LIN54: variants seen among roughly 807,000 people sequenced by gnomAD.
LIN54 encodes lin-54 DREAM MuvB core complex component.
Under a neutral mutation model 78.7 loss-of-function variants are expected in LIN54, and 9 were observed. The observed-to-expected ratio is 0.11, with a 90% CI of 0.07 to 0.20. The LOEUF (loss-of-function observed/expected upper bound fraction) is 0.20. Ranked by LOEUF, LIN54 falls within the 10% of genes least tolerant of loss-of-function variation. The pLI is 1.00. For synonymous variants in LIN54, 269 were observed against 318.4 expected (o/e 0.84, Z 1.65); for missense variants, 573 against 889.9 (o/e 0.64, Z 4.53).
chr4:82,963,105 G>GA (rs997582722), intron 4 of LIN54, among the ~76,000 whole-genome samples: 4 of 149,214 alleles, frequency 2.7e-5, no homozygotes, highest in Non-Finnish European at 4.5e-5. Flanking sequence ...TTGAAAACAG[G>GA]AAAAAAAAAG....
chr4:83,007,855 AACCT>A (rs2126117113), intron 1 of LIN54, among the ~76,000 whole-genome samples: 1 of 152,224 alleles, frequency 6.6e-6, no homozygotes. Context: ...ACTGCACCCT[AACCT>A]GGGTGACAGA....
At chr4:83,001,864 T>A (rs13109329) in intron 1 of LIN54, among the ~76,000 whole-genome samples, 13,290 of 14,158 alleles carry the variant, frequency 0.94, 6,264 homozygotes, top group Non-Finnish European at 0.97. Context: ...AAAAAAAGGA[T>A]AGGAAGGAAG....
rs1729777764 is a variant in LIN54 at position 83,010,474 on chromosome 4, C to T, written c.-33+10G>A. 7 of 1,045,630 alleles carry T rather than the reference C, an allele frequency of 6.7e-6. No individual in the cohort carries two copies. The highest frequency in any genetic ancestry group is 8.1e-6 in the Non-Finnish European group (7 of 869,086). 64.8% of individuals were successfully genotyped at this position (1,045,630 alleles called of 1,614,324 possible). A position where few individuals can be genotyped will look rare whatever the true frequency, so the allele number is the denominator to read the frequency against. On this transcript the variant is annotated intron_variant, in intron 1 of 12. Transcript: ENST00000340417. ...ACAGAGAAGCCCTCGGGTACCCCATCCTCCTCTACCTCCAGCGGCTGCCGC... is the reference window on the plus strand; with the variant it reads ...ACAGAGAAGCCCTCGGGTACCCCATTCTCCTCTACCTCCAGCGGCTGCCGC...
chr4:82,982,940 A>G (rs552114392), intron 2 of LIN54, among the ~76,000 whole-genome samples: 1 of 152,160 alleles, frequency 6.6e-6, no homozygotes, highest in African/African-American at 2.4e-5. Context: ...TATGCATTCA[A>G]AGACAACTCT....
upstream of LIN54, among the ~76,000 whole-genome samples, chr4:83,012,356 G>A (rs1295365085): frequency 6.6e-6 from 1 of 152,198 alleles, no homozygotes; most frequent in Non-Finnish European, 1.5e-5. Flanking sequence ...GGAAGAACGC[G>A]GCGGCGGGCA....
intron 4 of LIN54, among the ~76,000 whole-genome samples, chr4:82,961,242 T>C (rs930705547): frequency 3.9e-5 from 6 of 152,194 alleles, no homozygotes; most frequent in African/African-American, 1.2e-4. Flanking sequence ...GATAGACATA[T>C]ATGATAATGC....
chr4:82,974,850 G>A (rs1427439130), intron 3 of LIN54, among the ~76,000 whole-genome samples: 2 of 117,412 alleles, frequency 1.7e-5, no homozygotes, highest in African/African-American at 5.5e-5. Context: ...CAGAGTGACA[G>A]ACTGTCTCAA....
chr4:83,012,080 ACCAC>A, upstream of LIN54: 1 of 979,018 alleles, frequency 1.0e-6, no homozygotes, highest in Non-Finnish European at 1.2e-6. Context: ...AGGGCTGTCC[ACCAC>A]CCACCCCAAT....
intron 1 of LIN54, among the ~76,000 whole-genome samples, chr4:83,000,965 G>T (rs188469182): frequency 2.0e-5 from 3 of 151,512 alleles, no homozygotes; most frequent in South Asian, 4.2e-4. Flanking sequence ...TCAAAGGCAC[G>T]CGCCACCACG....
At chr4:82,982,188 GA>G in intron 2 of LIN54, among the ~76,000 whole-genome samples, 1 of 151,924 alleles carries the variant, frequency 6.6e-6, no homozygotes, top group East Asian at 1.9e-4. Context: ...TCTCATAAAT[GA>G]AAAAAATGAC....
chr4:82,938,103 G>A (rs1360404577), intron 8 of LIN54, among the ~76,000 whole-genome samples: 1 of 152,172 alleles, frequency 6.6e-6, no homozygotes, highest in East Asian at 1.9e-4. Flanking sequence ...TCCAGCCTGG[G>A]CAACAGAGCA....
chr4:82,931,874 A>C (rs1227907959), intron 11 of LIN54, among the ~76,000 whole-genome samples: 1 of 152,160 alleles, frequency 6.6e-6, no homozygotes, highest in Non-Finnish European at 1.5e-5. Flanking sequence ...CATAGCTTGA[A>C]TTCATTCTAT....
chr4:83,004,670 T>G (rs1261788645), intron 1 of LIN54, among the ~76,000 whole-genome samples: 1 of 151,826 alleles, frequency 6.6e-6, no homozygotes, highest in Non-Finnish European at 1.5e-5. Context: ...CAATTTTCTT[T>G]GTATTTGTTG....
Position 82,927,047 on chromosome 4 carries a change from T to C in LIN54, c.*1055A>G, listed in dbSNP as rs769399499. The C allele has an allele frequency of 2.7e-4, 41 of 151,556 alleles. No homozygotes were observed. The highest frequency in any genetic ancestry group is 2.6e-4 in the Non-Finnish European group (18 of 68,464). The allele number at this position is 151,556 out of a possible 1,614,324, so 9.4% of individuals were successfully genotyped here. ...CTGTAGTCCCAGCTACACGGGAGGC[T>C]GAGGCAGGAGAATCGCTTGAACCTG... On this transcript the variant is annotated 3_prime_UTR_variant, in exon 13 of 13. Transcript: ENST00000340417.
At chr4:82,934,567 G>A (rs1304076079) in intron 11 of LIN54, among the ~76,000 whole-genome samples, 1 of 152,204 alleles carries the variant, frequency 6.6e-6, no homozygotes, top group African/African-American at 2.4e-5. Flanking sequence ...GATTAGGAAA[G>A]AATTCATTAC....
chr4:82,986,319 G>A (rs1727131435), intron 1 of LIN54, among the ~76,000 whole-genome samples: 2 of 152,192 alleles, frequency 1.3e-5, no homozygotes, highest in Admixed American at 1.3e-4. Flanking sequence ...GTTTCTCCAT[G>A]TTGGTCAGGC....
chr4:82,942,316 A>C (rs774143805), intron 5 of LIN54, among the ~76,000 whole-genome samples: 1 of 152,162 alleles, frequency 6.6e-6, no homozygotes, highest in Non-Finnish European at 1.5e-5. Context: ...AGAATATATG[A>C]TTAGTGGTGA....
intron 1 of LIN54, among the ~76,000 whole-genome samples, chr4:82,987,682 C>T (rs1186745426): frequency 1.3e-5 from 2 of 152,206 alleles, no homozygotes; most frequent in Non-Finnish European, 2.9e-5. Flanking sequence ...CTTCCAGTTT[C>T]ATCCATGTCT....
chr4:82,931,282 G>C (rs1721929931), intron 11 of LIN54, 137 bp from the exon 12 acceptor site: 1 of 681,146 alleles, frequency 1.5e-6, no homozygotes, highest in Non-Finnish European at 2.5e-6. Flanking sequence ...ATCTCTGGCT[G>C]ACAAACAGTA....
Sources: gnomAD v4.1 joint callset for allele counts (sites outside exome capture counted in the v4.1 genomes callset) on GRCh38, gnomAD v4.1.1 for gene constraint, MANE v1.5 for transcripts, NCBI Gene and HGNC (gene_info 2026-07-23, HGNC 2026-07-21) for gene names.